Variants in SLC22A23 observed in about 807,000 individuals in gnomAD.
The protein encoded by SLC22A23 is ion transporter protein.
In SLC22A23, 26 loss-of-function variants were observed where a neutral mutation model predicts 61.0. The ratio of observed to expected loss-of-function variants is 0.43; its 90% CI spans 0.31 to 0.59. The LOEUF is 0.59. SLC22A23 is among the 20% of genes least tolerant of loss of function. SLC22A23 has a pLI of 0.11. For synonymous variants in SLC22A23, 430 were observed against 413.9 expected (o/e 1.04, Z -0.47); for missense variants, 796 against 934.7 (o/e 0.85, Z 1.94).
In SLC22A23 at chr6:3,455,846, G is replaced by C. The variant is rs907287701; in HGVS notation, c.654+60C>G. 6.9e-6 allele frequency: 10 copies of C among 1,444,018 alleles called. No individual in the cohort carries two copies. The African/African-American group carries it at 7.1e-5, about 10-fold the overall frequency. 89.5% of individuals were successfully genotyped at this position (1,444,018 alleles called of 1,614,324 possible). On this transcript the variant is annotated intron_variant, in intron 1 of 9. Transcript: ENST00000406686. The stretch of plus-strand genomic sequence containing the variant: ...GGGACTTCGGTTCTCCCGCTGGCTC[G>C]GGCTTGGACCTCGGTCTGCAGGGAG...
intron 1 of SLC22A23, chr6:3,439,471 A>C (rs776842083): frequency 1.6e-5 from 5 of 312,386 alleles, no homozygotes; most frequent in Non-Finnish European, 3.2e-5. Flanking sequence ...AGTTCTGAAC[A>C]GCAGTGGTTT....
chr6:3,289,959 T>A, intron 5 of SLC22A23, 93 bp from the exon 6 acceptor site: 2 of 815,522 alleles, frequency 2.5e-6, no homozygotes, highest in Non-Finnish European at 4.1e-6. Flanking sequence ...CCAGTTCGGG[T>A]ACCACAGAAG....
At chr6:3,282,472 T>C in intron 9 of SLC22A23, 1 of 595,168 alleles carries the variant, frequency 1.7e-6, no homozygotes, top group Non-Finnish European at 3.0e-6. Context: ...GATGCTGTTG[T>C]TAGCATGGCT....
rs891335498 is a variant in SLC22A23, at chr6:3,309,656, C to T, written c.1083-11438G>A. Among the ~76,000 whole-genome samples, 3 of 152,116 alleles carry T rather than the reference C, an allele frequency of 2.0e-5. No individual in the cohort carries two copies. Among genetic ancestry groups the T allele is most frequent in the African/African-American group, 7.3e-5 (3 of 41,356 alleles). ...AGGCAGCGGGCCAGCTGCACACAGGCGTTCCAGCCTCCTTGGTGGTACAGG... is the reference window on the plus strand; with the variant it reads ...AGGCAGCGGGCCAGCTGCACACAGGTGTTCCAGCCTCCTTGGTGGTACAGG... On this transcript the variant is annotated intron_variant, in intron 4 of 9. Transcript: ENST00000406686. The surrounding 1 kb of genome is among the most constrained non-coding windows in gnomAD (Gnocchi z 4.7).
intron 3 of SLC22A23, among the ~76,000 whole-genome samples, chr6:3,351,860 C>T (rs1282232326): frequency 6.6e-6 from 1 of 152,220 alleles, no homozygotes; most frequent in African/African-American, 2.4e-5. Flanking sequence ...CCCAGGTGAG[C>T]AGGAGGATGG....
intron 1 of SLC22A23, among the ~76,000 whole-genome samples, chr6:3,446,462 A>G (rs1771900864): frequency 6.6e-6 from 1 of 152,226 alleles, no homozygotes. Flanking sequence ...ATGGTTTCAC[A>G]TATCTGGGTC....
At position 3,286,820 on chromosome 6, in the gene SLC22A23, TC is replaced by T. The variant is rs776013893; in HGVS notation, c.1546+38del. ...AAATGCCCTTGGGGATCTGCCAGCT[TC>T]CCTCCCTGCACCCAGCCCACCTCCC... On this transcript the variant is annotated intron_variant, in intron 7 of 9. Coordinates refer to ENST00000406686, the MANE Select transcript of SLC22A23 (RefSeq NM_015482.2). This position sits in a 1 kb window ranked among gnomAD's most constrained non-coding sequence, Gnocchi z 4.2. 2.0e-6 allele frequency: 3 copies of T among 1,519,666 alleles called. No individual in the cohort carries two copies. In the African/African-American group the frequency reaches 4.1e-5, roughly 21 times the overall value. 94.1% of individuals were successfully genotyped at this position (1,519,666 alleles called of 1,614,324 possible). A position where few individuals can be genotyped will look rare whatever the true frequency, so the allele number is the denominator to read the frequency against.
Position 3,322,740 on chromosome 6 carries a change from G to A in SLC22A23, c.1082+1094C>T, listed in dbSNP as rs1018324649. Among the ~76,000 whole-genome samples, 3 of 152,196 alleles carry A rather than the reference G, an allele frequency of 2.0e-5. No homozygotes were observed. The highest frequency in any genetic ancestry group is 1.3e-4 in the Admixed American group (2 of 15,290). On this transcript the variant is annotated intron_variant, in intron 4 of 9. Coordinates refer to ENST00000406686, the MANE Select transcript of SLC22A23 (RefSeq NM_015482.2). The surrounding 1 kb of genome is among the most constrained non-coding windows in gnomAD (Gnocchi z 4.1). ...GGGGGGCAGTACCACTAAGCCAAAA[G>A]GTAGGTGCTTTCTTCCCTCCCGGGC... is the stretch of plus-strand genomic sequence containing the variant.
Position 3,322,306 on chromosome 6 carries a change from G to GAC in SLC22A23, c.1082+1527_1082+1528insGT, listed in dbSNP as rs749084188. 3.3e-5 allele frequency among the ~76,000 whole-genome samples: 5 copies of GAC among 152,184 alleles called. No individual in the cohort carries two copies. The highest frequency in any genetic ancestry group is 7.4e-5 in the Non-Finnish European group (5 of 68,016). On this transcript the variant is annotated intron_variant, in intron 4 of 9. Coordinates refer to ENST00000406686, the MANE Select transcript of SLC22A23 (RefSeq NM_015482.2). The surrounding 1 kb of genome is among the most constrained non-coding windows in gnomAD (Gnocchi z 4.1). ...AGATAAATCAGCACCCTTGAACTCC[G>GAC]AAACAGCTAAGCCCAGCGAAGGCTG...
chr6:3,338,074 C>G (rs747993421), intron 3 of SLC22A23, among the ~76,000 whole-genome samples: 1 of 152,170 alleles, frequency 6.6e-6, no homozygotes, highest in Non-Finnish European at 1.5e-5. Flanking sequence ...ACAAACCTCA[C>G]GAAATAGCCC....
chr6:3,450,113 G>A (rs1390141127), intron 1 of SLC22A23, among the ~76,000 whole-genome samples: 1 of 152,224 alleles, frequency 6.6e-6, no homozygotes, highest in African/African-American at 2.4e-5. Context: ...GGTAACCATG[G>A]TTGCTTCTGA....
At chr6:3,334,787 C>T (rs1377616342) in intron 3 of SLC22A23, among the ~76,000 whole-genome samples, 1 of 152,204 alleles carries the variant, frequency 6.6e-6, no homozygotes, top group Non-Finnish European at 1.5e-5. Flanking sequence ...GTCTAGGTCA[C>T]ACAGAACATG....
chr6:3,362,254 AT>A (rs777464803), intron 3 of SLC22A23, among the ~76,000 whole-genome samples: 23 of 151,470 alleles, frequency 1.5e-4, no homozygotes, highest in Non-Finnish European at 2.7e-4. Flanking sequence ...AATACAAAAA[AT>A]TAGCTGGGCG....
Position 3,414,159 on chromosome 6 carries a change from AAATT to A in SLC22A23, c.758+1589_758+1592del, listed in dbSNP as rs1432093355. On this transcript the variant is annotated intron_variant, in intron 2 of 9. Coordinates refer to ENST00000406686, the MANE Select transcript of SLC22A23 (RefSeq NM_015482.2). The surrounding 1 kb of genome is among the most constrained non-coding windows in gnomAD (Gnocchi z 5.1). ...AAAAGTCGATTTTTACTTTTCTATT[AAATT>A]ATTTATTGAATAAGGACACTACAAC... is the stretch of plus-strand genomic sequence containing the variant. Among the ~76,000 whole-genome samples the A allele has an allele frequency of 6.6e-6, 1 of 152,234 alleles. No individual in the cohort carries two copies. The highest frequency in any genetic ancestry group is 1.5e-5 in the Non-Finnish European group (1 of 68,034).
At chr6:3,273,799 T>C (rs1179729239) in intron 9 of SLC22A23, among the ~76,000 whole-genome samples, 1 of 152,198 alleles carries the variant, frequency 6.6e-6, no homozygotes, top group African/African-American at 2.4e-5. Context: ...ACAAAAGGGA[T>C]TGAAATTATG....
chr6:3,368,733 A>G (rs1356433033), intron 3 of SLC22A23, among the ~76,000 whole-genome samples: 2 of 152,216 alleles, frequency 1.3e-5, no homozygotes, highest in Non-Finnish European at 2.9e-5. Context: ...GGGGTGGGCA[A>G]GAACAGTATG....
Position 3,302,843 on chromosome 6 carries a change from T to C in SLC22A23, c.1083-4625A>G, listed in dbSNP as rs996733887. The C allele has an allele frequency of 2.0e-5, 3 of 151,828 alleles. No individual in the cohort carries two copies. The South Asian group carries it at 6.3e-4, about 32-fold the overall frequency. The allele number at this position is 151,828 out of a possible 1,614,324, so 9.4% of individuals were successfully genotyped here. A position where few individuals can be genotyped will look rare whatever the true frequency, so the allele number is the denominator to read the frequency against. ...TAAAAATTTTTTGAGACTTGTTTTG[T>C]GTTCTACCATACAGCTGATCCTGGA... On this transcript the variant is annotated intron_variant, in intron 4 of 9. Transcript: ENST00000406686.
At chr6:3,448,651 G>A (rs535698858) in intron 1 of SLC22A23, among the ~76,000 whole-genome samples, 10 of 152,134 alleles carry the variant, frequency 6.6e-5, no homozygotes, top group South Asian at 4.2e-4. Flanking sequence ...CCGCCACCAC[G>A]CCCTCCTAAT....
At chr6:3,289,979 AGC>A in intron 5 of SLC22A23, 113 bp from the exon 6 acceptor site, 1 of 636,752 alleles carries the variant, frequency 1.6e-6, no homozygotes, top group Non-Finnish European at 2.7e-6. Flanking sequence ...GGGAGAGAGA[AGC>A]TTTTTTTTTT....
Sources: gnomAD v4.1 joint callset for allele counts (sites outside exome capture counted in the v4.1 genomes callset) on GRCh38, gnomAD v4.1.1 for gene constraint, Gnocchi (gnomAD v3.1) non-coding constraint, MANE v1.5 for transcripts, NCBI Gene and HGNC (gene_info 2026-07-23, HGNC 2026-07-21) for gene names.